Variants in SHANK2 observed in about 807,000 individuals in gnomAD.
SHANK2 encodes SH3 and multiple ankyrin repeat domains protein 2.
Under a neutral mutation model 133.7 loss-of-function variants are expected in SHANK2, and 43 were observed. The observed-to-expected ratio is 0.32, with a 90% CI of 0.25 to 0.41. SHANK2 has a LOEUF of 0.41. Among genes scored for constraint, SHANK2 ranks in the 10% least tolerant of loss-of-function variants. The pLI is 1.00. For missense variants in SHANK2, 1,994 were observed against 2,235.8 expected (o/e 0.89, Z 2.18); for synonymous variants, 1,017 against 952.8 (o/e 1.07, Z -1.24).
intron 3 of SHANK2, among the ~76,000 whole-genome samples, chr11:71,140,572 C>T (rs1194747257): frequency 6.6e-6 from 1 of 152,242 alleles, no homozygotes. Flanking sequence ...GGCCTCCCTT[C>T]TACGTGGCTG....
chr11:71,238,480 T>C (rs536168811), intron 1 of SHANK2, among the ~76,000 whole-genome samples: 1 of 152,322 alleles, frequency 6.6e-6, no homozygotes, highest in South Asian at 2.1e-4. Flanking sequence ...AACTGGCCTG[T>C]CCAAGGTCAC....
chr11:71,166,790 C>CTTT, intron 2 of SHANK2, among the ~76,000 whole-genome samples: 1 of 137,772 alleles, frequency 7.3e-6, no homozygotes, highest in South Asian at 2.4e-4. Context: ...GCCCACACTT[C>CTTT]TTTTTTTTTT....
At chr11:70,903,391 T>TAAATAAAATAAAATAAA (rs1950050690) in intron 10 of SHANK2, among the ~76,000 whole-genome samples, 2 of 125,826 alleles carry the variant, frequency 1.6e-5, no homozygotes, top group Non-Finnish European at 3.3e-5. Context: ...TAAAATAAAG[T>TAAATAAAATAAAATAAA]AAATAAAATA....
chr11:70,496,462 G>A (rs549126064), intron 21 of SHANK2, among the ~76,000 whole-genome samples: 1 of 152,274 alleles, frequency 6.6e-6, no homozygotes, highest in South Asian at 2.1e-4. Flanking sequence ...GGACCTCAGG[G>A]CCTGCGGCAG....
chr11:70,769,653 G>A lies in SHANK2; in HGVS notation c.1777+28790C>T, dbSNP rs545185004. On this transcript the variant is annotated intron_variant, in intron 14 of 25. Coordinates refer to ENST00000601538, the MANE Select transcript of SHANK2 (RefSeq NM_012309.5). ...CACATGTGTAAATGTGAGGGTGTAC[G>A]TGTGCTGAGCACAAGTGAAGCATGT... Among the ~76,000 whole-genome samples the A allele has an allele frequency of 7.2e-5, 11 of 152,370 alleles. No homozygotes were observed. In the South Asian group the frequency reaches 1.2e-3, roughly 17 times the overall value.
intron 1 of SHANK2, among the ~76,000 whole-genome samples, chr11:71,247,438 TAAA>T (rs1428628751): frequency 1.3e-5 from 2 of 150,042 alleles, no homozygotes. Flanking sequence ...GAATTTTTCA[TAAA>T]AAATTGTTGC....
At chr11:70,899,989 T>C (rs1167201981) in intron 10 of SHANK2, among the ~76,000 whole-genome samples, 1 of 152,218 alleles carries the variant, frequency 6.6e-6, no homozygotes, top group Non-Finnish European at 1.5e-5. Flanking sequence ...ATAGGTTTGG[T>C]GTGTGGATTT....
rs2061460615 is a variant in SHANK2 at position 70,659,965 on chromosome 11, G to A, written c.1937-13C>T. 6.2e-7 allele frequency: 1 copy of A among 1,614,150 alleles called. No homozygotes were observed. The highest frequency in any genetic ancestry group is 2.2e-5 in the East Asian group (1 of 44,876). Reference sequence around the variant, plus strand: ...ATGGGTGTGTCAGCTGGGAAGACAAGCAGCACCTGGTTACAAGCCTGGGAG... The same window carrying A: ...ATGGGTGTGTCAGCTGGGAAGACAAACAGCACCTGGTTACAAGCCTGGGAG... On this transcript the variant is annotated splice_polypyrimidine_tract_variant and intron_variant, in intron 16 of 25. Transcript: ENST00000601538.
chr11:70,936,524 AAG>A (rs1303499557), intron 10 of SHANK2, among the ~76,000 whole-genome samples: 4 of 152,182 alleles, frequency 2.6e-5, no homozygotes, highest in Non-Finnish European at 5.9e-5. Context: ...AAAAATAAAA[AAG>A]AGAGAATTAT....
intron 17 of SHANK2, among the ~76,000 whole-genome samples, chr11:70,658,916 G>A (rs888037014): frequency 6.6e-6 from 1 of 152,208 alleles, no homozygotes; most frequent in African/African-American, 2.4e-5. Context: ...GGCTCAGGGT[G>A]ACATGGAAGA....
intron 17 of SHANK2, among the ~76,000 whole-genome samples, chr11:70,615,120 A>G (rs2136413116): frequency 6.6e-6 from 1 of 152,300 alleles, no homozygotes; most frequent in East Asian, 1.9e-4. Flanking sequence ...TCATGAACTC[A>G]ACACTCAGCC....
chr11:70,928,737 A>G (rs1950463036), intron 10 of SHANK2, among the ~76,000 whole-genome samples: 2 of 152,140 alleles, frequency 1.3e-5, no homozygotes, highest in African/African-American at 4.8e-5. Context: ...CCAAGATATG[A>G]GCACTGATAA....
chr11:70,785,538 G>A (rs1947630744), intron 14 of SHANK2, among the ~76,000 whole-genome samples: 1 of 152,230 alleles, frequency 6.6e-6, no homozygotes, highest in Admixed American at 6.5e-5. Context: ...GAGGCAGCCT[G>A]CCGGTTGCAG....
chr11:71,094,441 C>T (rs1033194478), intron 7 of SHANK2, 96 bp downstream of exon 7: 37 of 1,261,396 alleles, frequency 2.9e-5, no homozygotes, highest in Middle Eastern at 2.5e-4. Flanking sequence ...ACACTGTGCA[C>T]GGACCCCCTA....
At chr11:70,602,538 G>A (rs997653869) in intron 17 of SHANK2, among the ~76,000 whole-genome samples, 22 of 152,122 alleles carry the variant, frequency 1.4e-4, no homozygotes, top group Admixed American at 6.5e-5. Flanking sequence ...GTGATGGGAC[G>A]GGTCACAACA....
intron 12 of SHANK2, among the ~76,000 whole-genome samples, chr11:70,812,381 T>C (rs1948298257): frequency 6.6e-6 from 1 of 152,240 alleles, no homozygotes. Flanking sequence ...TCTTATTCAC[T>C]GTTAATTTGA....
rs915773490 is a variant in SHANK2 at position 70,470,683 on chromosome 11, C to T, written c.*2186G>A. 1 of 152,378 alleles carries T rather than the reference C, an allele frequency of 6.6e-6. No individual in the cohort carries two copies. The highest frequency in any genetic ancestry group is 2.4e-5 in the African/African-American group (1 of 41,456). 9.4% of individuals were successfully genotyped at this position (152,378 alleles called of 1,614,324 possible). A position where few individuals can be genotyped will look rare whatever the true frequency, so the allele number is the denominator to read the frequency against. ...AAATTTATCTAGAGTAATGCTCATT[C>T]ATCTCATGATGGAAAAACTGAAAGC... is the stretch of plus-strand genomic sequence containing the variant. On this transcript the variant is annotated 3_prime_UTR_variant, in exon 26 of 26. Coordinates refer to ENST00000601538, the MANE Select transcript of SHANK2 (RefSeq NM_012309.5).
chr11:70,762,048 C>T (rs1008926556), intron 14 of SHANK2, among the ~76,000 whole-genome samples: 8 of 152,186 alleles, frequency 5.3e-5, no homozygotes, highest in African/African-American at 1.4e-4. Context: ...CATCTGTGGG[C>T]GTGGGGTTCT....
intron 10 of SHANK2, among the ~76,000 whole-genome samples, chr11:70,944,566 T>C (rs782243006): frequency 1.2e-4 from 18 of 152,158 alleles, no homozygotes; most frequent in Non-Finnish European, 2.4e-4. Flanking sequence ...TGCTGAGAGG[T>C]CAGACCCCAG....
Sources: gnomAD v4.1 joint callset for allele counts (sites outside exome capture counted in the v4.1 genomes callset) on GRCh38, gnomAD v4.1.1 for gene constraint, MANE v1.5 for transcripts, NCBI Gene and HGNC (gene_info 2026-07-23, HGNC 2026-07-21) for gene names.